Variants in WDR25 observed in about 807,000 individuals in gnomAD.
The protein encoded by WDR25 is WD repeat-containing protein 25.
WDR25 carries 35 observed loss-of-function variants against 47.7 expected under a neutral mutation model. The observed-to-expected ratio is 0.73, with a 90% CI of 0.56 to 0.97. The LOEUF is 0.97. Among genes scored for constraint, WDR25 ranks in the 50% least tolerant of loss-of-function variants. WDR25 has a pLI of 0.00. For synonymous variants in WDR25, 248 were observed against 278.9 expected, an observed-to-expected ratio of 0.89 and a Z score of 1.10; for missense variants, 634 against 704.7, an observed-to-expected ratio of 0.90 and a Z score of 1.14.
In WDR25 at chr14:100,529,907, A is replaced by G; in HGVS notation, c.1501A>G (p.Ser501Gly). Residue 501 changes from serine (S) to glycine (G), a missense_variant, in exon 7 of 7, where the codon AGC (serine) becomes GGC (glycine). By Grantham distance (56) the Ser-to-Gly change is moderately conservative. Transcript: ENST00000402312. This position sits in a 1 kb window ranked among gnomAD's most constrained non-coding sequence, Gnocchi z 5.1. ...GSADGRVLMYSFRTASRACTL... is the reference protein window; with the variant it reads ...GSADGRVLMYGFRTASRACTL... ...CGCCGATGGCCGGGTCCTGATGTAC[A>G]GCTTCCGCACAGCCAGCCGAGCATG... 6.2e-7 allele frequency: 1 copy of G among 1,613,432 alleles called. No homozygotes were observed. Among genetic ancestry groups the G allele is most frequent in the Non-Finnish European group, 8.5e-7 (1 of 1,180,020 alleles).
chr14:100,482,755 C>T (rs961432463), intron 3 of WDR25, among the ~76,000 whole-genome samples: 1 of 152,202 alleles, frequency 6.6e-6, no homozygotes, highest in South Asian at 2.1e-4. Context: ...TGAGCAAGTG[C>T]TGCTTCCTGG....
At chr14:100,510,825 A>G (rs1187830256) in intron 4 of WDR25, among the ~76,000 whole-genome samples, 4 of 150,926 alleles carry the variant, frequency 2.7e-5, no homozygotes, top group Admixed American at 2.0e-4. Flanking sequence ...CTGATCTCAA[A>G]CTCCTGGCTT....
intron 2 of WDR25, among the ~76,000 whole-genome samples, chr14:100,419,022 C>G (rs1897954008): frequency 6.6e-6 from 1 of 152,078 alleles, no homozygotes; most frequent in South Asian, 2.1e-4. Context: ...AGTTTGAGAC[C>G]AGTCTGGCGA....
Position 100,425,917 on chromosome 14 carries a change from G to A in WDR25, c.823-42104G>A, listed in dbSNP as rs141956878. ...AAGGGGTATTCAGTGGGGCCAGGGC[G>A]AGACCCTGGGCCTTGCGAGGACGCC... On this transcript the variant is annotated intron_variant, in intron 2 of 6. Coordinates refer to ENST00000402312, the MANE Select transcript of WDR25 (RefSeq NM_001161476.3). The surrounding 1 kb of genome is among the most constrained non-coding windows in gnomAD (Gnocchi z 4.8). 3.3e-4 allele frequency among the ~76,000 whole-genome samples: 51 copies of A among 152,308 alleles called. 1 individual carries two copies. The East Asian group carries it at 7.7e-3, about 23-fold the overall frequency.
intron 4 of WDR25, among the ~76,000 whole-genome samples, chr14:100,505,080 C>G (rs558617279): frequency 6.6e-6 from 1 of 152,154 alleles, no homozygotes; most frequent in Non-Finnish European, 1.5e-5. Flanking sequence ...TTATTGAGTT[C>G]TAAGAGTCTT....
At chr14:100,433,869 C>T (rs936679753) in intron 2 of WDR25, among the ~76,000 whole-genome samples, 2 of 152,136 alleles carry the variant, frequency 1.3e-5, no homozygotes, top group South Asian at 2.1e-4. Context: ...TTTCCTGCCC[C>T]AGTCCTAGAA....
chr14:100,526,064 C>T, intron 5 of WDR25, 24 bp downstream of exon 5: 2 of 1,613,022 alleles, frequency 1.2e-6, no homozygotes, highest in Middle Eastern at 1.7e-4. Flanking sequence ...TTTGGCATTG[C>T]TGTCAGTTTC....
At chr14:100,492,896 C>T (rs1160596384) in intron 4 of WDR25, among the ~76,000 whole-genome samples, 2 of 152,144 alleles carry the variant, frequency 1.3e-5, no homozygotes, top group Non-Finnish European at 2.9e-5. Flanking sequence ...ACTGCATCCT[C>T]GAACTCCTGG....
At position 100,526,786 on chromosome 14, in the gene WDR25, C is replaced by T. The variant is rs76506058; in HGVS notation, c.1272+746C>T. On this transcript the variant is annotated intron_variant, in intron 5 of 6. Transcript: ENST00000402312. Reference sequence around the variant, plus strand: ...GTCACTACCACCACTACTATCATCACCACCATCATCACCAGCACCAGCACC... The same window carrying T: ...GTCACTACCACCACTACTATCATCATCACCATCATCACCAGCACCAGCACC... Among the ~76,000 whole-genome samples the T allele has an allele frequency of 4.3e-4, 19 of 43,844 alleles. No homozygotes were observed. In the East Asian group the frequency reaches 5.2e-3, roughly 12 times the overall value. The allele number at this position is 43,844 out of a possible 152,430, so 28.8% of individuals were successfully genotyped here. A position where few individuals can be genotyped will look rare whatever the true frequency, so the allele number is the denominator to read the frequency against.
chr14:100,506,501 A>G lies in WDR25; in HGVS notation c.1102-19369A>G, dbSNP rs1268389431. Among the ~76,000 whole-genome samples the G allele has an allele frequency of 2.0e-5, 3 of 152,214 alleles. No individual in the cohort carries two copies. Among genetic ancestry groups the G allele is most frequent in the Non-Finnish European group, 4.4e-5 (3 of 68,028 alleles). The stretch of plus-strand genomic sequence containing the variant: ...GAGAAACCTCCAAACTGCTTTCCAC[A>G]ATGGCTGAAATAACTTACATTCCCA... On this transcript the variant is annotated intron_variant, in intron 4 of 6. Transcript: ENST00000402312. The surrounding 1 kb of genome is among the most constrained non-coding windows in gnomAD (Gnocchi z 4.8).
chr14:100,503,481 T>G (rs930257525), intron 4 of WDR25, among the ~76,000 whole-genome samples: 20 of 152,202 alleles, frequency 1.3e-4, no homozygotes, highest in African/African-American at 4.8e-4. Context: ...CTGTACCTAT[T>G]TAAAAGTGAG....
chr14:100,468,284 C>A lies in WDR25; in HGVS notation c.970+116C>A. The A allele has an allele frequency of 6.9e-7, 1 of 1,451,400 alleles. No homozygotes were observed. The highest frequency in any genetic ancestry group is 9.2e-7 in the Non-Finnish European group (1 of 1,086,938). The allele number at this position is 1,451,400 out of a possible 1,614,324, so 89.9% of individuals were successfully genotyped here. A position where few individuals can be genotyped will look rare whatever the true frequency, so the allele number is the denominator to read the frequency against. On this transcript the variant is annotated intron_variant, in intron 3 of 6. Coordinates refer to ENST00000402312, the MANE Select transcript of WDR25 (RefSeq NM_001161476.3). The surrounding 1 kb of genome is among the most constrained non-coding windows in gnomAD (Gnocchi z 4.5). ...CGCTTGCGTGGCAGAGGGAGAGGGG[C>A]CTCAGGGTGGGCTCGTGCTCGGTGA...
At chr14:100,421,125 T>TTA (rs1898014607) in intron 2 of WDR25, among the ~76,000 whole-genome samples, 1 of 152,234 alleles carries the variant, frequency 6.6e-6, no homozygotes, top group South Asian at 2.1e-4. Context: ...ACTGGAATTT[T>TTA]AACAGTGTCC....
intron 2 of WDR25, among the ~76,000 whole-genome samples, chr14:100,400,843 TG>T (rs1356142225): frequency 6.6e-6 from 1 of 152,208 alleles, no homozygotes; most frequent in East Asian, 1.9e-4. Context: ...TCCATCCAGT[TG>T]CTATGACTTA....
Position 100,426,328 on chromosome 14 carries a change from AAG to A in WDR25, c.823-41690_823-41689del, listed in dbSNP as rs1898167168. ...ACCTGAGAATGGGCTTCCAACTCGG[AAG>A]AGTTATTGGCTACTTTTCCCAAATG... On this transcript the variant is annotated intron_variant, in intron 2 of 6. Transcript: ENST00000402312. Among the ~76,000 whole-genome samples the A allele has an allele frequency of 4.6e-5, 7 of 152,274 alleles. No homozygotes were observed. The South Asian group carries it at 1.2e-3, about 27-fold the overall frequency.
chr14:100,460,376 T>C (rs1399948047), intron 2 of WDR25, among the ~76,000 whole-genome samples: 1 of 152,124 alleles, frequency 6.6e-6, no homozygotes, highest in Non-Finnish European at 1.5e-5. Flanking sequence ...CCTCCCAAAG[T>C]GCTGGGATTA....
intron 2 of WDR25, among the ~76,000 whole-genome samples, chr14:100,384,972 G>T (rs1210642156): frequency 6.6e-6 from 1 of 152,274 alleles, no homozygotes; most frequent in South Asian, 2.1e-4. Flanking sequence ...AACATGCCTC[G>T]CTGGGTTTTT....
At chr14:100,461,804 G>A (rs1443296383) in intron 2 of WDR25, among the ~76,000 whole-genome samples, 1 of 152,204 alleles carries the variant, frequency 6.6e-6, no homozygotes, top group Non-Finnish European at 1.5e-5. Flanking sequence ...CGAGATAAGA[G>A]TGAGTAGGAT....
intron 2 of WDR25, among the ~76,000 whole-genome samples, chr14:100,442,146 A>G (rs1898689034): frequency 6.6e-6 from 1 of 152,236 alleles, no homozygotes; most frequent in South Asian, 2.1e-4. Flanking sequence ...CTTGGGTTGC[A>G]GAGGGTCTTA....
Sources: allele counts gnomAD v4.1 joint callset (sites outside exome capture counted in the v4.1 genomes callset), GRCh38; gene constraint gnomAD v4.1.1; non-coding constraint Gnocchi (gnomAD v3.1); transcripts MANE v1.5; gene names NCBI Gene and HGNC (gene_info 2026-07-23, HGNC 2026-07-21).